Variants in TRHDE observed in about 807,000 individuals in gnomAD.
The protein encoded by TRHDE is thyrotropin-releasing hormone-degrading ectoenzyme.
In TRHDE, 72 loss-of-function variants were observed where a neutral mutation model predicts 125.7. That is an observed-to-expected ratio of 0.57 (90% confidence interval 0.47 to 0.70). The LOEUF (loss-of-function observed/expected upper bound fraction) is 0.70. Ranked by LOEUF, TRHDE falls within the 30% of genes least tolerant of loss-of-function variation. The pLI, the probability that TRHDE is intolerant of heterozygous loss-of-function variation, is 0.00. For synonymous variants in TRHDE, 509 were observed against 509.1 expected, an observed-to-expected ratio of 1.00 and a Z score of 0.00; for missense variants, 1,110 against 1,327.1, an observed-to-expected ratio of 0.84 and a Z score of 2.54.
chr12:72,620,338 C>CAAAAAAAAAAAAAAAAAA (rs3080963), intron 13 of TRHDE, among the ~76,000 whole-genome samples: 1 of 67,504 alleles, frequency 1.5e-5, no homozygotes, highest in Non-Finnish European at 3.5e-5. Context: ...CCCATCTCTA[C>CAAAAAAAAAAAAAAAAAA]AAAAAAAAAA....
At position 72,568,632 on chromosome 12, in the gene TRHDE, A is replaced by G. The variant is rs1194435039; in HGVS notation, c.2107A>G (p.Ile703Val). 1 of 1,611,262 alleles carries G rather than the reference A, an allele frequency of 6.2e-7. No individual in the cohort carries two copies. Among genetic ancestry groups the G allele is most frequent in the Admixed American group, 1.7e-5 (1 of 59,962 alleles). Reference protein sequence around the residue: ...GNRSHVSSEAIIWVSNKSEHH... With the variant: ...GNRSHVSSEAVIWVSNKSEHH... The stretch of plus-strand genomic sequence containing the variant: ...TAGAAGCCATGTGTCTTCAGAAGCA[A>G]TTATTTGGGTGTCTAACAAATCAGG... The change falls in exon 10 of 19, where the codon ATT becomes GTT. Residue 703 changes from isoleucine to valine, a missense_variant. Coordinates refer to ENST00000261180, the MANE Select transcript of TRHDE (RefSeq NM_013381.3).
At chr12:72,536,107 T>C (rs1868844918) in intron 6 of TRHDE, among the ~76,000 whole-genome samples, 1 of 152,088 alleles carries the variant, frequency 6.6e-6, no homozygotes, top group South Asian at 2.1e-4. Flanking sequence ...GCTAAGACAT[T>C]TGTAGTGTAG....
intron 7 of TRHDE, among the ~76,000 whole-genome samples, chr12:72,551,083 A>G (rs1869650262): frequency 6.6e-6 from 1 of 152,098 alleles, no homozygotes; most frequent in South Asian, 2.1e-4. Context: ...TTATAAAATA[A>G]AAGTAACAAA....
At chr12:72,639,397 T>C (rs1873929118) in intron 15 of TRHDE, among the ~76,000 whole-genome samples, 2 of 152,038 alleles carry the variant, frequency 1.3e-5, no homozygotes, top group Non-Finnish European at 1.5e-5. Flanking sequence ...ATTCTAGTTA[T>C]ACATTCTTCT....
chr12:72,128,776 A>G (rs1875783471), intron 2 of TRHDE, among the ~76,000 whole-genome samples: 1 of 152,214 alleles, frequency 6.6e-6, no homozygotes, highest in Non-Finnish European at 1.5e-5. Flanking sequence ...GAAAACAGAA[A>G]GAGTTGGCTG....
chr12:72,125,659 A>G (rs543428635), intron 2 of TRHDE, among the ~76,000 whole-genome samples: 27 of 152,320 alleles, frequency 1.8e-4, no homozygotes, highest in African/African-American at 6.5e-4. Flanking sequence ...TAATGCTTTT[A>G]AAATCTACAT....
At chr12:72,157,465 G>T (rs1006080838) in intron 2 of TRHDE, among the ~76,000 whole-genome samples, 6 of 152,210 alleles carry the variant, frequency 3.9e-5, no homozygotes, top group Non-Finnish European at 7.3e-5. Context: ...AGAGATGATG[G>T]TGGCTTTGAT....
At chr12:72,332,687 A>G (rs549142669) in intron 2 of TRHDE, among the ~76,000 whole-genome samples, 3 of 152,318 alleles carry the variant, frequency 2.0e-5, no homozygotes, top group Admixed American at 1.3e-4. Flanking sequence ...AATATTTTCT[A>G]CATACTAGGT....
At chr12:72,214,533 GAGTAACAAGGCTA>G (rs1445988108) in intron 2 of TRHDE, among the ~76,000 whole-genome samples, 11 of 152,158 alleles carry the variant, frequency 7.2e-5, no homozygotes, top group Admixed American at 2.0e-4. Context: ...CTCAATTGCT[GAGTAACAAGGCTA>G]ATGATAAGGT....
At chr12:72,580,169 G>A (rs1206097267) in intron 12 of TRHDE, among the ~76,000 whole-genome samples, 3 of 152,050 alleles carry the variant, frequency 2.0e-5, no homozygotes, top group Non-Finnish European at 2.9e-5. Context: ...GTTTTCCAGC[G>A]ATAATGTTAT....
Position 72,220,161 on chromosome 12 carries a change from T to C in TRHDE, n.279+114409T>C, listed in dbSNP as rs1464892476. ...TGAAATGGGGCCAGAGGTTACAGAG[T>C]GAAAGCCTTATATGACTTGGATTGC... On this transcript the variant is annotated intron_variant and non_coding_transcript_variant, in intron 2 of 4. Coordinates refer to the TRHDE transcript ENST00000548156. Among the ~76,000 whole-genome samples, 3 of 152,052 alleles carry C rather than the reference T, an allele frequency of 2.0e-5. No individual in the cohort carries two copies. The East Asian group carries it at 5.8e-4, about 29-fold the overall frequency.
intron 1 of TRHDE, among the ~76,000 whole-genome samples, chr12:72,279,271 A>G (rs1879605888): frequency 6.6e-6 from 1 of 152,326 alleles, no homozygotes; most frequent in East Asian, 1.9e-4. Context: ...GGAGTGATAC[A>G]AAAACAGTGA....
intron 2 of TRHDE, among the ~76,000 whole-genome samples, chr12:72,373,644 G>T (rs1476235292): frequency 6.6e-6 from 1 of 152,178 alleles, no homozygotes; most frequent in Non-Finnish European, 1.5e-5. Context: ...ATGGTCCTGG[G>T]GTCAGAGGGA....
intron 2 of TRHDE, chr12:72,162,863 A>G (rs1159754705): frequency 6.6e-6 from 1 of 151,916 alleles, no homozygotes; most frequent in Non-Finnish European, 1.5e-5. Flanking sequence ...TGTGATAGAC[A>G]ATCATAGGGG....
intron 3 of TRHDE, among the ~76,000 whole-genome samples, chr12:72,468,709 G>A (rs954490063): frequency 6.6e-6 from 1 of 152,252 alleles, no homozygotes; most frequent in Admixed American, 6.5e-5. Flanking sequence ...AGTAGTCAGC[G>A]TGGCTTAGGT....
At chr12:72,311,913 C>CTT (rs11410885) in intron 2 of TRHDE, among the ~76,000 whole-genome samples, 1 of 151,800 alleles carries the variant, frequency 6.6e-6, no homozygotes, top group East Asian at 1.9e-4. Flanking sequence ...TCTTACTCTT[C>CTT]TTTTTTTTAT....
chr12:72,196,151 T>C (rs1877438795), intron 2 of TRHDE, among the ~76,000 whole-genome samples: 1 of 152,082 alleles, frequency 6.6e-6, no homozygotes, highest in Non-Finnish European at 1.5e-5. Context: ...TTTGAAGTCA[T>C]GTAATGTGAT....
At chr12:72,395,894 C>T (rs1436356653) in intron 3 of TRHDE, among the ~76,000 whole-genome samples, 1 of 152,164 alleles carries the variant, frequency 6.6e-6, no homozygotes, top group Non-Finnish European at 1.5e-5. Context: ...CTTCCTCAAT[C>T]TTAGCCAATG....
chr12:72,520,221 CG>C (rs1319971836), intron 6 of TRHDE, among the ~76,000 whole-genome samples: 1 of 152,178 alleles, frequency 6.6e-6, no homozygotes, highest in African/African-American at 2.4e-5. Flanking sequence ...TGGGCAATGG[CG>C]GGCGCCCCTC....
Sources: gnomAD v4.1 joint callset for allele counts (sites outside exome capture counted in the v4.1 genomes callset) on GRCh38, gnomAD v4.1.1 for gene constraint, MANE v1.5 for transcripts, NCBI Gene and HGNC (gene_info 2026-07-23, HGNC 2026-07-21) for gene names.